PNPLA7: variants seen among roughly 807,000 people sequenced by gnomAD.
The protein encoded by PNPLA7 is patatin like domain 7, lysophospholipase.
Under a neutral mutation model 161.7 loss-of-function variants are expected in PNPLA7, and 153 were observed. The observed-to-expected ratio is 0.95, with a 90% CI of 0.83 to 1.08. PNPLA7 has a LOEUF of 1.08. Among genes scored for constraint, PNPLA7 ranks in the 50% least tolerant of loss-of-function variants. The pLI, the probability that PNPLA7 is intolerant of heterozygous loss-of-function variation, is 0.00. For synonymous variants in PNPLA7, 809 were observed against 782.1 expected (o/e 1.03, Z -0.57); for missense variants, 1,739 against 1,856.6 (o/e 0.94, Z 1.16).
chr9:137,534,450 C>T (rs940715078), intron 8 of PNPLA7, among the ~76,000 whole-genome samples: 1 of 152,048 alleles, frequency 6.6e-6, no homozygotes, highest in Admixed American at 6.5e-5. Flanking sequence ...AGGAGCACTC[C>T]CAGACTCCTC....
At chr9:137,492,060 C>T (rs1222904836) in intron 20 of PNPLA7, 1 of 985,244 alleles carries the variant, frequency 1.0e-6, no homozygotes, top group Non-Finnish European at 1.2e-6. Flanking sequence ...GATCTGGGGT[C>T]AAATGCTGTC....
chr9:137,493,629 C>T (rs114186593), intron 19 of PNPLA7, among the ~76,000 whole-genome samples: 1,670 of 152,370 alleles, frequency 0.011, 35 homozygotes, highest in African/African-American at 0.038. Context: ...CCCACAACAG[C>T]GGACCCACTG....
chr9:137,542,668 G>C lies in PNPLA7; in HGVS notation c.640C>G (p.Arg214Gly). ...DPSICVVQDG[R>G]LEVCIQDTDG... ...GTGTCCTGGATGCAGACCTCCAGCC[G>C]CCCGTCCTGCACCACACAGATGCTG... Residue 214 changes from arginine to glycine, a missense_variant, in exon 7 of 35, where the codon CGG becomes GGG. By Grantham distance (125) the Arg-to-Gly change is moderately radical (BLOSUM62 -2). Transcript: ENST00000406427. 1 of 1,611,022 alleles carries C rather than the reference G, an allele frequency of 6.2e-7. No individual in the cohort carries two copies. The highest frequency in any genetic ancestry group is 2.2e-5 in the East Asian group (1 of 44,814).
Position 137,523,896 on chromosome 9 carries a change from C to T in PNPLA7, c.748-1039G>A, listed in dbSNP as rs1032210602. On this transcript the variant is annotated intron_variant, in intron 8 of 34. Coordinates refer to ENST00000406427, the MANE Select transcript of PNPLA7 (RefSeq NM_001098537.3). This position sits in a 1 kb window ranked among gnomAD's most constrained non-coding sequence, Gnocchi z 4.4. ...CCGCCCACCTCGGCCTCCCAAAGTG[C>T]TGGGATTACCGGCGTGAGCCACCAC... Among the ~76,000 whole-genome samples the T allele has an allele frequency of 6.6e-6, 1 of 152,160 alleles. No individual in the cohort carries two copies. Among genetic ancestry groups the T allele is most frequent in the Non-Finnish European group, 1.5e-5 (1 of 68,028 alleles).
intron 26 of PNPLA7, among the ~76,000 whole-genome samples, chr9:137,466,688 T>C (rs1217729373): frequency 2.2e-5 from 2 of 92,538 alleles, no homozygotes; most frequent in Non-Finnish European, 2.2e-5. Context: ...CCCACCACCA[T>C]CTCCATCACC....
chr9:137,461,356 T>G (rs957977538), intron 33 of PNPLA7, 180 bp downstream of exon 33: 10 of 631,994 alleles, frequency 1.6e-5, no homozygotes, highest in African/African-American at 3.7e-5. Flanking sequence ...GTCCCACTGC[T>G]GTGGGAACAC....
intron 18 of PNPLA7, among the ~76,000 whole-genome samples, chr9:137,496,582 A>G (rs1833070397): frequency 6.6e-6 from 1 of 152,008 alleles, no homozygotes; most frequent in Non-Finnish European, 1.5e-5. Context: ...GTGGTGGCGC[A>G]CACCTTTAAT....
intron 4 of PNPLA7, among the ~76,000 whole-genome samples, chr9:137,544,795 G>GTAAT (rs1836400469): frequency 6.6e-6 from 1 of 151,602 alleles, no homozygotes; most frequent in Non-Finnish European, 1.5e-5. Context: ...GATTACAGGC[G>GTAAT]CCCGCCACAA....
intron 24 of PNPLA7, 38 bp downstream of exon 24, chr9:137,479,018 C>T (rs368709754): frequency 3.0e-5 from 45 of 1,511,426 alleles, no homozygotes; most frequent in Non-Finnish European, 3.6e-5. Context: ...AAATGAACCA[C>T]GGAGCCACGG....
At position 137,490,040 on chromosome 9, in the gene PNPLA7, T is replaced by C. The variant is rs1472206739; in HGVS notation, c.2197+2973A>G. ...AAACAGGACAGATCCAAAGTATTCA[T>C]GCTCAGACACTTCCAAATCACATTT... On this transcript the variant is annotated intron_variant, in intron 20 of 34. Coordinates refer to ENST00000406427, the MANE Select transcript of PNPLA7 (RefSeq NM_001098537.3). This position sits in a 1 kb window ranked among gnomAD's most constrained non-coding sequence, Gnocchi z 4.1. Among the ~76,000 whole-genome samples the C allele has an allele frequency of 6.6e-6, 1 of 152,252 alleles. No individual in the cohort carries two copies. The highest frequency in any genetic ancestry group is 1.5e-5 in the Non-Finnish European group (1 of 68,040).
At chr9:137,502,676 C>T (rs112457815) in intron 14 of PNPLA7, among the ~76,000 whole-genome samples, 361 of 2,606 alleles carry the variant, frequency 0.14, 5 homozygotes, top group Non-Finnish European at 0.17. Context: ...TCAGAGCCTT[C>T]GGGAGATGAG....
chr9:137,488,122 G>A (rs1227205964), intron 20 of PNPLA7, among the ~76,000 whole-genome samples: 1 of 152,232 alleles, frequency 6.6e-6, no homozygotes, highest in Non-Finnish European at 1.5e-5. Flanking sequence ...CCTGAGCTTC[G>A]GCCTGAACGC....
At chr9:137,510,661 G>A (rs962775977) in intron 12 of PNPLA7, among the ~76,000 whole-genome samples, 9 of 152,158 alleles carry the variant, frequency 5.9e-5, no homozygotes, top group African/African-American at 1.2e-4. Context: ...GTGGTCCCCC[G>A]GGCCCAGCTG....
intron 29 of PNPLA7, chr9:137,463,205 C>A: frequency 1.7e-6 from 1 of 599,050 alleles, no homozygotes; most frequent in Non-Finnish European, 3.0e-6. Context: ...TATGCTGGAG[C>A]ACATGCTGCC....
At chr9:137,528,706 CTTT>C (rs566053018) in intron 8 of PNPLA7, among the ~76,000 whole-genome samples, 1 of 141,620 alleles carries the variant, frequency 7.1e-6, no homozygotes, top group African/African-American at 2.6e-5. Context: ...TTCTTCCAGC[CTTT>C]TTTTTTTTTG....
At chr9:137,491,069 G>A (rs1337186714) in intron 20 of PNPLA7, among the ~76,000 whole-genome samples, 1 of 152,098 alleles carries the variant, frequency 6.6e-6, no homozygotes, top group Non-Finnish European at 1.5e-5. Flanking sequence ...TAATTATAAT[G>A]GAATACTCAA....
chr9:137,522,277 T>C (rs1564349740), intron 9 of PNPLA7, among the ~76,000 whole-genome samples: 1 of 151,468 alleles, frequency 6.6e-6, no homozygotes, highest in Non-Finnish European at 1.5e-5. Flanking sequence ...GGTTTCACCG[T>C]GTGAGCCAGG....
At chr9:137,479,414 A>C in intron 23 of PNPLA7, 176 bp from the exon 24 acceptor site, 1 of 1,306,522 alleles carries the variant, frequency 7.7e-7, no homozygotes, top group Non-Finnish European at 9.7e-7. Flanking sequence ...CTCTGACGGC[A>C]GGGGTCCATC....
intron 25 of PNPLA7, among the ~76,000 whole-genome samples, chr9:137,477,200 A>G (rs906860537): frequency 2.0e-5 from 3 of 152,124 alleles, no homozygotes; most frequent in Non-Finnish European, 2.9e-5. Context: ...TGCCTGTCCC[A>G]CCCTCCTCGT....
Sources: gnomAD v4.1 joint callset for allele counts (sites outside exome capture counted in the v4.1 genomes callset) on GRCh38, gnomAD v4.1.1 for gene constraint, Gnocchi (gnomAD v3.1) non-coding constraint, MANE v1.5 for transcripts, NCBI Gene and HGNC (gene_info 2026-07-23, HGNC 2026-07-21) for gene names.